Variants in GALNT1 observed in about 807,000 individuals in gnomAD.
GALNT1 encodes the protein GalNAc transferase 1.
GALNT1 carries 17 observed loss-of-function variants against 65.7 expected under a neutral mutation model. The ratio of observed to expected loss-of-function variants is 0.26; its 90% CI spans 0.18 to 0.39. GALNT1 has a LOEUF of 0.39. GALNT1 is among the 10% of genes least tolerant of loss of function. The pLI is 1.00. For synonymous variants in GALNT1, 210 were observed against 219.7 expected (o/e 0.96, Z 0.39); for missense variants, 460 against 672.8 (o/e 0.68, Z 3.50).
intron 1 of GALNT1, among the ~76,000 whole-genome samples, chr18:35,625,399 G>T (rs1326149334): frequency 1.3e-5 from 2 of 152,184 alleles, no homozygotes; most frequent in African/African-American, 2.4e-5. Flanking sequence ...GCCAAGAGAA[G>T]AGGCTTTATT....
At chr18:35,692,981 A>C (rs1258573714) in intron 9 of GALNT1, among the ~76,000 whole-genome samples, 1 of 152,218 alleles carries the variant, frequency 6.6e-6, no homozygotes, top group Non-Finnish European at 1.5e-5. Context: ...AGTACTAGGA[A>C]TACAGCAATA....
intron 1 of GALNT1, among the ~76,000 whole-genome samples, chr18:35,638,936 C>A (rs2047127483): frequency 6.6e-6 from 1 of 152,164 alleles, no homozygotes. Flanking sequence ...TTGCTGCAAT[C>A]TTAAGATAAA....
chr18:35,618,992 A>G (rs933542421), intron 1 of GALNT1, among the ~76,000 whole-genome samples: 1 of 152,218 alleles, frequency 6.6e-6, no homozygotes, highest in Non-Finnish European at 1.5e-5. Context: ...GTTAAATGAC[A>G]TTAGGGAGAG....
intron 1 of GALNT1, among the ~76,000 whole-genome samples, chr18:35,640,901 C>A (rs1179732594): frequency 2.0e-5 from 3 of 152,122 alleles, no homozygotes; most frequent in Non-Finnish European, 2.9e-5. Context: ...GAAAAGCAAA[C>A]CTTTAACATT....
intron 1 of GALNT1, among the ~76,000 whole-genome samples, chr18:35,638,269 A>G (rs1435058779): frequency 6.6e-6 from 1 of 152,206 alleles, no homozygotes; most frequent in Non-Finnish European, 1.5e-5. Context: ...GGATGCACTC[A>G]GACACAGGTA....
intron 1 of GALNT1, among the ~76,000 whole-genome samples, chr18:35,600,690 G>T (rs2046571129): frequency 6.6e-6 from 1 of 151,938 alleles, no homozygotes; most frequent in South Asian, 2.1e-4. Context: ...GCGGGGAGGG[G>T]TATGATCCTT....
intron 1 of GALNT1, among the ~76,000 whole-genome samples, chr18:35,633,267 C>T (rs2047042324): frequency 6.6e-6 from 1 of 152,124 alleles, no homozygotes; most frequent in Non-Finnish European, 1.5e-5. Context: ...TGGCACTATT[C>T]ACAATAGCAA....
chr18:35,623,550 CAT>C (rs531331169), intron 1 of GALNT1, among the ~76,000 whole-genome samples: 135 of 152,116 alleles, frequency 8.9e-4, no homozygotes, highest in African/African-American at 3.0e-3. Flanking sequence ...TCTGATTTCA[CAT>C]ATGTTAAATT....
intron 1 of GALNT1, among the ~76,000 whole-genome samples, chr18:35,644,240 T>A (rs1252630943): frequency 2.0e-5 from 3 of 152,224 alleles, no homozygotes; most frequent in Non-Finnish European, 4.4e-5. Flanking sequence ...ATTGATTATT[T>A]GCTAATTTTT....
chr18:35,691,275 G>A (rs2047957995), intron 8 of GALNT1, 83 bp downstream of exon 8: 1 of 1,254,160 alleles, frequency 8.0e-7, no homozygotes, highest in African/African-American at 1.5e-5. Context: ...GGTTAGAAGT[G>A]AAGCTTTGAG....
rs146566948 is a variant in GALNT1 at position 35,691,464 on chromosome 18, A to T, written c.1159+272A>T. Among the ~76,000 whole-genome samples, 18 of 152,292 alleles carry T rather than the reference A, an allele frequency of 1.2e-4. No homozygotes were observed. The East Asian group carries it at 3.5e-3, about 29-fold the overall frequency. On this transcript the variant is annotated intron_variant, in intron 8 of 11. Transcript: ENST00000269195. ...CTATTTTTTTTAAAACCTAACTGCAACATTTAGTATTTATTCCTGTGAAGT... is the reference window on the plus strand; with the variant it reads ...CTATTTTTTTTAAAACCTAACTGCATCATTTAGTATTTATTCCTGTGAAGT...
chr18:35,604,227 T>C (rs2046617627), intron 1 of GALNT1, among the ~76,000 whole-genome samples: 1 of 152,216 alleles, frequency 6.6e-6, no homozygotes, highest in African/African-American at 2.4e-5. Flanking sequence ...TTTGCATTCA[T>C]GTTGTTGCAA....
At chr18:35,608,671 T>C (rs1483681527) in intron 1 of GALNT1, among the ~76,000 whole-genome samples, 1 of 152,202 alleles carries the variant, frequency 6.6e-6, no homozygotes, top group Non-Finnish European at 1.5e-5. Context: ...ATGAAATATG[T>C]GATCTTTTCC....
chr18:35,695,346 C>G (rs2048038956), intron 9 of GALNT1, among the ~76,000 whole-genome samples: 1 of 151,966 alleles, frequency 6.6e-6, no homozygotes, highest in Non-Finnish European at 1.5e-5. Flanking sequence ...TGCAGGGCAG[C>G]TGTAGGTTTG....
At chr18:35,683,332 T>C in intron 4 of GALNT1, 59 bp from the exon 5 acceptor site, 2 of 1,372,714 alleles carry the variant, frequency 1.5e-6, no homozygotes, top group Non-Finnish European at 2.0e-6. Context: ...CAAAATTACT[T>C]TCATCTGAAT....
Position 35,703,643 on chromosome 18 carries a change from G to T in GALNT1, c.1533G>T (p.Val511=). 1 of 1,613,752 alleles carries T rather than the reference G, an allele frequency of 6.2e-7. No individual in the cohort carries two copies. The highest frequency in any genetic ancestry group is 1.1e-5 in the South Asian group (1 of 91,016). ...ACCAACTCTGGGAGTATGACCCAGT[G>T]GTAAGTTATGCAGTTGCCTATAGTA... ...KGNQLWEYDP[V]KLTLQHVNSN... Residue 511 remains valine (V), a splice_region_variant and synonymous_variant, in exon 11 of 12, where the codon GTG becomes GTT. Transcript: ENST00000269195.
intron 1 of GALNT1, among the ~76,000 whole-genome samples, chr18:35,637,821 G>A (rs1352609397): frequency 6.6e-6 from 1 of 152,218 alleles, no homozygotes; most frequent in Non-Finnish European, 1.5e-5. Flanking sequence ...GACTTTGTTA[G>A]TAGGTGATAG....
At chr18:35,669,259 A>G (rs1333811099) in intron 3 of GALNT1, among the ~76,000 whole-genome samples, 1 of 152,110 alleles carries the variant, frequency 6.6e-6, no homozygotes, top group African/African-American at 2.4e-5. Flanking sequence ...AAAAATCTTT[A>G]CACACAGACA....
In GALNT1 at chr18:35,644,321, G is replaced by A. The variant is rs542794470; in HGVS notation, c.-103-10239G>A. ...TGGTTCTCCTTTTTCTTTGGCTATC[G>A]AATAAGGCTTCTCAGTGCTAAATTT... On this transcript the variant is annotated intron_variant, in intron 1 of 11. Coordinates refer to ENST00000269195, the MANE Select transcript of GALNT1 (RefSeq NM_020474.4). Among the ~76,000 whole-genome samples the A allele has an allele frequency of 4.6e-5, 7 of 152,182 alleles. No homozygotes were observed. The East Asian group carries it at 1.3e-3, about 29-fold the overall frequency.
Sources: gnomAD v4.1 joint callset for allele counts (sites outside exome capture counted in the v4.1 genomes callset) on GRCh38, gnomAD v4.1.1 for gene constraint, MANE v1.5 for transcripts, NCBI Gene and HGNC (gene_info 2026-07-23, HGNC 2026-07-21) for gene names.